Variants in MAF observed in about 807,000 individuals in gnomAD.
MAF encodes transcription factor Maf.
MAF carries 10 observed loss-of-function variants against 22.0 expected under a neutral mutation model. The observed-to-expected ratio is 0.45, with a 90% CI of 0.28 to 0.77. MAF has a LOEUF of 0.77. Among genes scored for constraint, MAF ranks in the 30% least tolerant of loss-of-function variants. The pLI is 0.12. For synonymous variants in MAF, 337 were observed against 255.8 expected, an observed-to-expected ratio of 1.32 and a Z score of -3.03; for missense variants, 544 against 548.4, an observed-to-expected ratio of 0.99 and a Z score of 0.08.
the MAF span, among the ~76,000 whole-genome samples, chr16:79,301,216 C>G: frequency 6.6e-6 from 1 of 152,136 alleles, no homozygotes; most frequent in African/African-American, 2.4e-5. Context: ...AAGGACACCC[C>G]ACAGTCCTGG....
chr16:79,544,989 T>G, the MAF span, among the ~76,000 whole-genome samples: 2 of 152,130 alleles, frequency 1.3e-5, no homozygotes, highest in African/African-American at 4.8e-5. Context: ...TGGTTCTCTA[T>G]GAACTCAAGC....
At chr16:79,205,736 T>C in the MAF span, 1 of 152,224 alleles carries the variant, frequency 6.6e-6, no homozygotes, top group Admixed American at 6.5e-5. Flanking sequence ...GGCTGGATTG[T>C]TGAAGGCCTT....
At chr16:79,455,984 C>T in the MAF span, among the ~76,000 whole-genome samples, 2 of 152,054 alleles carry the variant, frequency 1.3e-5, no homozygotes, top group African/African-American at 4.8e-5. Context: ...TGCCACTGCA[C>T]TCCAGCCTGG....
the MAF span, among the ~76,000 whole-genome samples, chr16:79,492,691 GA>G: frequency 1.4e-4 from 21 of 145,754 alleles, no homozygotes; most frequent in South Asian, 2.2e-4. Flanking sequence ...CGTTCAGCAA[GA>G]AAAAAAAAAC....
At chr16:79,302,882 T>C in the MAF span, among the ~76,000 whole-genome samples, 7 of 152,248 alleles carry the variant, frequency 4.6e-5, no homozygotes, top group Non-Finnish European at 1.0e-4. Flanking sequence ...TTTGTCTGTT[T>C]AATGTAACTG....
chr16:79,533,500 C>T, the MAF span, among the ~76,000 whole-genome samples: 1 of 152,164 alleles, frequency 6.6e-6, no homozygotes, highest in African/African-American at 2.4e-5. Context: ...CTGAATTTTA[C>T]TTTCGTCCTC....
chr16:79,401,022 A>T, the MAF span, among the ~76,000 whole-genome samples: 1 of 152,114 alleles, frequency 6.6e-6, no homozygotes, highest in South Asian at 2.1e-4. Flanking sequence ...GCTGATAAGG[A>T]GTCTTGGCCT....
the MAF span, among the ~76,000 whole-genome samples, chr16:79,398,840 T>G: frequency 3.9e-5 from 6 of 152,200 alleles, no homozygotes; most frequent in Non-Finnish European, 7.3e-5. Context: ...CTCTCCCCAG[T>G]TGAGCTAGGC....
the MAF span, among the ~76,000 whole-genome samples, chr16:79,363,392 TA>T: frequency 3.5e-4 from 54 of 152,218 alleles, no homozygotes; most frequent in Admixed American, 3.5e-3. Flanking sequence ...TAGCCTGTCT[TA>T]AACATGCTCA....
At chr16:79,411,464 C>G in the MAF span, among the ~76,000 whole-genome samples, 1 of 152,176 alleles carries the variant, frequency 6.6e-6, no homozygotes, top group Non-Finnish European at 1.5e-5. Flanking sequence ...CTGAAGCCTG[C>G]ATGACAATGA....
the MAF span, among the ~76,000 whole-genome samples, chr16:79,430,336 C>T: frequency 6.6e-6 from 1 of 152,342 alleles, no homozygotes; most frequent in East Asian, 1.9e-4. Flanking sequence ...CACCTTCCCC[C>T]GGGCTGAGCA....
At chr16:79,516,201 A>C in the MAF span, 2 of 152,132 alleles carry the variant, frequency 1.3e-5, no homozygotes, top group African/African-American at 2.4e-5. Flanking sequence ...ATCACAGAAA[A>C]CAGATGTCCA....
At chr16:79,328,236 T>C in the MAF span, among the ~76,000 whole-genome samples, 1 of 152,146 alleles carries the variant, frequency 6.6e-6, no homozygotes, top group Non-Finnish European at 1.5e-5. Context: ...CTGGCCAATA[T>C]CATCCTCATT....
the MAF span, among the ~76,000 whole-genome samples, chr16:79,363,246 G>A: frequency 6.6e-6 from 1 of 152,196 alleles, no homozygotes; most frequent in Admixed American, 6.5e-5. Flanking sequence ...AGCTCTTGTG[G>A]AGGAGATATA....
the MAF span, among the ~76,000 whole-genome samples, chr16:79,357,684 T>C: frequency 2.3e-4 from 35 of 152,210 alleles, no homozygotes; most frequent in African/African-American, 7.9e-4. Context: ...CTAGCAGGCA[T>C]TGGCACTGCT....
At chr16:79,559,061 G>C in the MAF span, among the ~76,000 whole-genome samples, 1 of 152,118 alleles carries the variant, frequency 6.6e-6, no homozygotes, top group African/African-American at 2.4e-5. Context: ...GTGAGCTGTT[G>C]ACATTGATCT....
At chr16:79,487,711 C>T in the MAF span, among the ~76,000 whole-genome samples, 5 of 152,230 alleles carry the variant, frequency 3.3e-5, no homozygotes, top group East Asian at 9.6e-4. Context: ...AGATGGCTCA[C>T]TGTCCACATA....
At chr16:79,536,364 T>C in the MAF span, among the ~76,000 whole-genome samples, 57 of 152,328 alleles carry the variant, frequency 3.7e-4, no homozygotes, top group African/African-American at 1.3e-3. Context: ...AAATTAGGGC[T>C]GGGCATGGTG....
the MAF span, among the ~76,000 whole-genome samples, chr16:79,485,097 T>C: frequency 6.6e-6 from 1 of 152,308 alleles, no homozygotes; most frequent in South Asian, 2.1e-4. Flanking sequence ...TCAAAGAATT[T>C]AGCATGAGAC....
Sources: gnomAD v4.1 joint callset for allele counts (sites outside exome capture counted in the v4.1 genomes callset) on GRCh38, gnomAD v4.1.1 for gene constraint, MANE v1.5 for transcripts, NCBI Gene and HGNC (gene_info 2026-07-23, HGNC 2026-07-21) for gene names.